KCNQ1: variants seen among roughly 807,000 people sequenced by gnomAD.
KCNQ1 encodes the protein potassium voltage-gated channel subfamily Q member 1.
KCNQ1 carries 49 observed loss-of-function variants against 72.4 expected under a neutral mutation model. The observed-to-expected ratio is 0.68, with a 90% CI of 0.54 to 0.86. KCNQ1 has a LOEUF of 0.86. KCNQ1 is among the 40% of genes least tolerant of loss of function. The probability of loss-of-function intolerance (pLI) is 0.00; values close to 1 mark genes in which losing one functional copy is unlikely to be tolerated. For missense variants in KCNQ1, 790 were observed against 945.1 expected (o/e 0.84, Z 2.15); for synonymous variants, 450 against 412.6 (o/e 1.09, Z -1.10).
rs1850146674 is a variant in KCNQ1 at position 2,669,690 on chromosome 11, G to A, written c.1514+7609G>A. 5.0e-6 allele frequency: 2 copies of A among 398,584 alleles called. No homozygotes were observed. The highest frequency in any genetic ancestry group is 2.5e-4 in the South Asian group (2 of 7,850). The allele number at this position is 398,584 out of a possible 1,614,324, so 24.7% of individuals were successfully genotyped here. A position where few individuals can be genotyped will look rare whatever the true frequency, so the allele number is the denominator to read the frequency against. On this transcript the variant is annotated intron_variant, in intron 11 of 15. Coordinates refer to ENST00000155840, the MANE Select transcript of KCNQ1 (RefSeq NM_000218.3). The surrounding 1 kb of genome is among the most constrained non-coding windows in gnomAD (Gnocchi z 5.6). ...TATTAGTGTAAGGCCTTGAGGAGAT[G>A]GTGTTAGGCATCCAGCCACATACCT...
intron 10 of KCNQ1, chr11:2,641,662 T>C: frequency 2.5e-6 from 1 of 398,454 alleles, no homozygotes; most frequent in Non-Finnish European, 4.4e-6. Context: ...TTGTCTATTT[T>C]TGTTTTTGTC....
chr11:2,608,879 CCTCT>C lies in KCNQ1; in HGVS notation c.1393+20028_1393+20031del, dbSNP rs1320107461. ...TCTCCCCCTTTGCCTCATGCACTTC[CCTCT>C]CTGTCTTTCCTCCTCCCCCTCTTTC... is the stretch of plus-strand genomic sequence containing the variant. On this transcript the variant is annotated intron_variant, in intron 10 of 15. Transcript: ENST00000155840. This position sits in a 1 kb window ranked among gnomAD's most constrained non-coding sequence, Gnocchi z 4.6. The C allele has an allele frequency of 2.5e-6, 1 of 398,122 alleles. No individual in the cohort carries two copies. The highest frequency in any genetic ancestry group is 4.4e-6 in the Non-Finnish European group (1 of 225,986). The allele number at this position is 398,122 out of a possible 1,614,324, so 24.7% of individuals were successfully genotyped here. A position where few individuals can be genotyped will look rare whatever the true frequency, so the allele number is the denominator to read the frequency against.
chr11:2,688,005 G>T, intron 11 of KCNQ1: 1 of 398,716 alleles, frequency 2.5e-6, no homozygotes. Context: ...GCGAGGGAGG[G>T]GTCAGCACCC....
chr11:2,554,179 T>A (rs185528266), intron 2 of KCNQ1, among the ~76,000 whole-genome samples: 3 of 152,360 alleles, frequency 2.0e-5, no homozygotes, highest in African/African-American at 7.2e-5. Flanking sequence ...TGGGAAATAT[T>A]TCCTGCTCTT....
At chr11:2,523,358 C>T (rs1399947843) in intron 1 of KCNQ1, among the ~76,000 whole-genome samples, 1 of 152,096 alleles carries the variant, frequency 6.6e-6, no homozygotes, top group East Asian at 1.9e-4. Flanking sequence ...CACCCACGCC[C>T]AGTTAATTTT....
chr11:2,638,089 G>A (rs1252510172), intron 10 of KCNQ1: 1 of 152,134 alleles, frequency 6.6e-6, no homozygotes, highest in Non-Finnish European at 1.5e-5. Flanking sequence ...CGTGAGATGG[G>A]TCTCCTGAAT....
rs1228366348 is a variant in KCNQ1 at position 2,491,069 on chromosome 11, A to G, written c.387-36859A>G. On this transcript the variant is annotated intron_variant, in intron 1 of 15. Transcript: ENST00000155840. The surrounding 1 kb of genome is among the most constrained non-coding windows in gnomAD (Gnocchi z 4.1). ...GTTACTGGGCTTGGGATGCTGCCTAATGCAGATACGGCTTAGATCACAACA... is the reference window on the plus strand; with the variant it reads ...GTTACTGGGCTTGGGATGCTGCCTAGTGCAGATACGGCTTAGATCACAACA... 1.3e-5 allele frequency among the ~76,000 whole-genome samples: 2 copies of G among 152,244 alleles called. No individual in the cohort carries two copies. The highest frequency in any genetic ancestry group is 2.1e-4 in the South Asian group (1 of 4,836).
Position 2,592,009 on chromosome 11 carries a change from G to A in KCNQ1, c.1393+3155G>A, listed in dbSNP as rs962476700. On this transcript the variant is annotated intron_variant, in intron 10 of 15. Coordinates refer to ENST00000155840, the MANE Select transcript of KCNQ1 (RefSeq NM_000218.3). This position sits in a 1 kb window ranked among gnomAD's most constrained non-coding sequence, Gnocchi z 5.2. Reference sequence around the variant, plus strand: ...CCCCACAGCCCCACTCCCGCAAGGCGGGTACGAACAGCCACACTGAGTCCC... The same window carrying A: ...CCCCACAGCCCCACTCCCGCAAGGCAGGTACGAACAGCCACACTGAGTCCC... Among the ~76,000 whole-genome samples, 23 of 152,252 alleles carry A rather than the reference G, an allele frequency of 1.5e-4. No individual in the cohort carries two copies. The highest frequency in any genetic ancestry group is 2.2e-4 in the Non-Finnish European group (15 of 68,050).
At chr11:2,794,751 G>A (rs1197935218) in intron 15 of KCNQ1, among the ~76,000 whole-genome samples, 1 of 152,112 alleles carries the variant, frequency 6.6e-6, no homozygotes, top group Non-Finnish European at 1.5e-5. Flanking sequence ...GAGCCTGGAG[G>A]ACCCCTCTGG....
intron 10 of KCNQ1, among the ~76,000 whole-genome samples, chr11:2,597,193 A>G (rs1009718184): frequency 6.6e-6 from 1 of 152,222 alleles, no homozygotes; most frequent in Non-Finnish European, 1.5e-5. Flanking sequence ...ATAACACTCT[A>G]TGGGTATGTG....
rs1207838567 is a variant in KCNQ1, at chr11:2,617,468, A to G, written c.1393+28614A>G. 1 of 398,330 alleles carries G rather than the reference A, an allele frequency of 2.5e-6. No homozygotes were observed. The highest frequency in any genetic ancestry group is 2.1e-5 in the African/African-American group (1 of 48,610). The allele number at this position is 398,330 out of a possible 1,614,324, so 24.7% of individuals were successfully genotyped here. On this transcript the variant is annotated intron_variant, in intron 10 of 15. Coordinates refer to ENST00000155840, the MANE Select transcript of KCNQ1 (RefSeq NM_000218.3). This position sits in a 1 kb window ranked among gnomAD's most constrained non-coding sequence, Gnocchi z 4.6. ...ACACACCACAGTTTAGTCATCCATC[A>G]ATGGACACGTAAGTTTTCATATCGT...
At chr11:2,520,033 G>C (rs1239184301) in intron 1 of KCNQ1, among the ~76,000 whole-genome samples, 1 of 152,216 alleles carries the variant, frequency 6.6e-6, no homozygotes, top group African/African-American at 2.4e-5. Context: ...AGGCTGAAAA[G>C]GGCCCTGTCG....
chr11:2,662,217 C>A, intron 11 of KCNQ1, 136 bp downstream of exon 11: 1 of 1,215,278 alleles, frequency 8.2e-7, no homozygotes, highest in Non-Finnish European at 1.2e-6. Flanking sequence ...TGCCGTCTGC[C>A]TGGCCCCAAC....
rs2133956617 is a variant in KCNQ1, at chr11:2,745,198, G to C, written c.1515-23646G>C. On this transcript the variant is annotated intron_variant, in intron 11 of 15. Transcript: ENST00000155840. This position sits in a 1 kb window ranked among gnomAD's most constrained non-coding sequence, Gnocchi z 6.2. ...TCTTAAAAATTTCAACTGGAAGTTT[G>C]CTTGGGATTGCCTCGAATTTGCAGG... 6.6e-6 allele frequency among the ~76,000 whole-genome samples: 1 copy of C among 152,282 alleles called. No homozygotes were observed. Among genetic ancestry groups the C allele is most frequent in the South Asian group, 2.1e-4 (1 of 4,818 alleles).
chr11:2,637,749 C>G (rs535173778), intron 10 of KCNQ1: 1 of 152,148 alleles, frequency 6.6e-6, no homozygotes, highest in Non-Finnish European at 1.5e-5. Flanking sequence ...TGTTAACTTC[C>G]GGTCTTGTTG....
intron 15 of KCNQ1, 99 bp downstream of exon 15, chr11:2,778,136 C>T: frequency 8.5e-7 from 1 of 1,179,930 alleles, no homozygotes; most frequent in East Asian, 2.4e-5. Flanking sequence ...TCCTGCAGGC[C>T]TCCCCACCTT....
intron 15 of KCNQ1, among the ~76,000 whole-genome samples, chr11:2,844,449 C>G (rs1848278974): frequency 6.6e-6 from 1 of 152,222 alleles, no homozygotes; most frequent in African/African-American, 2.4e-5. Flanking sequence ...TTGAGGTGAG[C>G]CTGGGACCAG....
chr11:2,631,546 A>G (rs1849353229), intron 10 of KCNQ1: 1 of 397,954 alleles, frequency 2.5e-6, no homozygotes, highest in Non-Finnish European at 4.4e-6. Context: ...AGTCGTTTTT[A>G]ATTTTCTGTA....
chr11:2,748,993 C>G lies in KCNQ1; in HGVS notation c.1515-19851C>G, dbSNP rs1846181917. On this transcript the variant is annotated intron_variant, in intron 11 of 15. Coordinates refer to ENST00000155840, the MANE Select transcript of KCNQ1 (RefSeq NM_000218.3). The surrounding 1 kb of genome is among the most constrained non-coding windows in gnomAD (Gnocchi z 6.2). ...TTCAAAATGGCGGGAGGGGCGAGGC[C>G]TCTGGAGCAAGGAAAGAGAGTGGTG... is the stretch of plus-strand genomic sequence containing the variant. 1.3e-5 allele frequency among the ~76,000 whole-genome samples: 2 copies of G among 152,210 alleles called. No homozygotes were observed. The highest frequency in any genetic ancestry group is 4.8e-5 in the African/African-American group (2 of 41,456).
Sources: gnomAD v4.1 joint callset for allele counts (sites outside exome capture counted in the v4.1 genomes callset) on GRCh38, gnomAD v4.1.1 for gene constraint, Gnocchi (gnomAD v3.1) non-coding constraint, MANE v1.5 for transcripts, NCBI Gene and HGNC (gene_info 2026-07-23, HGNC 2026-07-21) for gene names.